The following IFT80 variants were observed in gnomAD, a reference collection of about 807,000 sequenced individuals.
IFT80 encodes the protein intraflagellar transport 80, also known as intraflagellar transport protein 80 homolog.
Under a neutral mutation model 107.9 loss-of-function variants are expected in IFT80, and 79 were observed. That is an observed-to-expected ratio of 0.73 (90% CI 0.61 to 0.88). IFT80 has a LOEUF of 0.88. Among genes scored for constraint, IFT80 ranks in the 40% least tolerant of loss-of-function variants. The probability of loss-of-function intolerance (pLI) is 0.00; values close to 1 mark genes in which losing one functional copy is unlikely to be tolerated. For synonymous variants in IFT80, 299 were observed against 300.9 expected, an observed-to-expected ratio of 0.99 and a Z score of 0.07; for missense variants, 797 against 914.2, an observed-to-expected ratio of 0.87 and a Z score of 1.65.
intron 8 of IFT80, among the ~76,000 whole-genome samples, chr3:160,327,769 T>C (rs1217354040): frequency 6.6e-6 from 1 of 152,094 alleles, no homozygotes; most frequent in Admixed American, 6.5e-5. Flanking sequence ...ACTCAGGACA[T>C]ACGCATAGGT....
At chr3:160,345,336 G>A (rs1576842333) in intron 8 of IFT80, among the ~76,000 whole-genome samples, 1 of 152,190 alleles carries the variant, frequency 6.6e-6, no homozygotes, top group South Asian at 2.1e-4. Flanking sequence ...GCCAGGTACA[G>A]AAAGACAAAT....
intron 11 of IFT80, among the ~76,000 whole-genome samples, chr3:160,302,512 C>A (rs1716509291): frequency 6.6e-6 from 1 of 151,956 alleles, no homozygotes; most frequent in Non-Finnish European, 1.5e-5. Flanking sequence ...TGAGTAAACA[C>A]CCTGTTTGAA....
chr3:160,320,812 A>G (rs1005351119), intron 8 of IFT80, among the ~76,000 whole-genome samples: 6 of 151,686 alleles, frequency 4.0e-5, no homozygotes, highest in African/African-American at 1.5e-4. Flanking sequence ...TTTTTTCCAG[A>G]AATACTCATT....
intron 3 of IFT80, among the ~76,000 whole-genome samples, chr3:160,379,010 T>C (rs1381078561): frequency 6.6e-6 from 1 of 152,170 alleles, no homozygotes; most frequent in Non-Finnish European, 1.5e-5. Context: ...TATCTTTTCA[T>C]AAATTATTAA....
intron 8 of IFT80, among the ~76,000 whole-genome samples, chr3:160,324,184 G>A (rs1172667993): frequency 1.3e-5 from 2 of 152,052 alleles, no homozygotes; most frequent in Non-Finnish European, 2.9e-5. Flanking sequence ...ATTCACAGCC[G>A]AATTCTACCA....
In IFT80 at chr3:160,344,535, A is replaced by C. The variant is rs559879900; in HGVS notation, c.777+11478T>G. ...AAATCTCCAGCGCTGGTCTGGGCAAAAATTTCTTGAGTAATACTCCACAAG... is the reference window on the plus strand; with the variant it reads ...AAATCTCCAGCGCTGGTCTGGGCAACAATTTCTTGAGTAATACTCCACAAG... On this transcript the variant is annotated intron_variant, in intron 8 of 19. Transcript: ENST00000326448. Among the ~76,000 whole-genome samples, 52 of 152,312 alleles carry C rather than the reference A, an allele frequency of 3.4e-4. 1 individual carries two copies. The South Asian group carries it at 0.011, about 31-fold the overall frequency.
At chr3:160,287,544 T>C (rs1423587908) in intron 12 of IFT80, among the ~76,000 whole-genome samples, 1 of 152,184 alleles carries the variant, frequency 6.6e-6, no homozygotes, top group Non-Finnish European at 1.5e-5. Flanking sequence ...GGGCAGGGGA[T>C]GAAGAACTTC....
At chr3:160,365,050 T>C (rs182479134) in intron 6 of IFT80, among the ~76,000 whole-genome samples, 115 of 151,372 alleles carry the variant, frequency 7.6e-4, no homozygotes, top group Admixed American at 7.2e-3. Context: ...AAACTAAAGG[T>C]ATAAACTAAA....
At chr3:160,308,238 G>T (rs910531415) in intron 9 of IFT80, among the ~76,000 whole-genome samples, 1 of 152,058 alleles carries the variant, frequency 6.6e-6, no homozygotes, top group Non-Finnish European at 1.5e-5. Context: ...TCAAAAGTGG[G>T]GTAGGAGGTA....
chr3:160,347,024 G>C (rs1268040626), intron 8 of IFT80, among the ~76,000 whole-genome samples: 4 of 152,038 alleles, frequency 2.6e-5, no homozygotes, highest in Admixed American at 2.6e-4. Context: ...TCAAAACAAA[G>C]ACAAAACTTT....
intron 8 of IFT80, among the ~76,000 whole-genome samples, chr3:160,330,923 C>G (rs1013669265): frequency 4.6e-5 from 7 of 152,100 alleles, no homozygotes; most frequent in African/African-American, 1.7e-4. Context: ...GTTCCAAGAC[C>G]CTCAGTGGAG....
At chr3:160,265,171 A>T (rs1713206226) in intron 19 of IFT80, among the ~76,000 whole-genome samples, 1 of 152,230 alleles carries the variant, frequency 6.6e-6, no homozygotes, top group Non-Finnish European at 1.5e-5. Flanking sequence ...TATCCCAAGC[A>T]CTAAGGAGAA....
At position 160,302,032 on chromosome 3, in the gene IFT80, A is replaced by C. The variant is rs142273003; in HGVS notation, c.1152-986T>G. Among the ~76,000 whole-genome samples the C allele has an allele frequency of 1.2e-4, 19 of 152,154 alleles. No individual in the cohort carries two copies. In the East Asian group the frequency reaches 2.1e-3, roughly 17 times the overall value. The stretch of plus-strand genomic sequence containing the variant: ...AAGACCATACATTTAAAATTTTTAA[A>C]TATATCTTGTTTTATTGCCCTTTGA... On this transcript the variant is annotated intron_variant, in intron 11 of 19. Transcript: ENST00000326448.
At chr3:160,322,709 CT>C (rs1418116256) in intron 8 of IFT80, among the ~76,000 whole-genome samples, 1 of 152,090 alleles carries the variant, frequency 6.6e-6, no homozygotes, top group East Asian at 1.9e-4. Flanking sequence ...TGTTTCCTGA[CT>C]TTTTAATGAT....
intron 9 of IFT80, among the ~76,000 whole-genome samples, chr3:160,319,392 A>G (rs1718042077): frequency 6.6e-6 from 1 of 152,064 alleles, no homozygotes; most frequent in Non-Finnish European, 1.5e-5. Context: ...TAAAACAATT[A>G]ACCCTGTCAG....
intron 12 of IFT80, among the ~76,000 whole-genome samples, chr3:160,288,971 G>A (rs1211380199): frequency 6.6e-6 from 1 of 152,086 alleles, no homozygotes; most frequent in Non-Finnish European, 1.5e-5. Context: ...ATACCCAAAG[G>A]AATATAAATC....
At chr3:160,392,634 T>C (rs746815395) in intron 1 of IFT80, among the ~76,000 whole-genome samples, 6 of 152,210 alleles carry the variant, frequency 3.9e-5, no homozygotes, top group Non-Finnish European at 8.8e-5. Context: ...ATCTTCAAAA[T>C]GTAAAATATT....
intron 5 of IFT80, among the ~76,000 whole-genome samples, chr3:160,367,590 G>A (rs1721953808): frequency 6.6e-6 from 1 of 151,998 alleles, no homozygotes; most frequent in Non-Finnish European, 1.5e-5. Flanking sequence ...TAGCCCAAAA[G>A]CTTGGCTAAA....
chr3:160,397,828 T>C (rs554940755), intron 1 of IFT80, among the ~76,000 whole-genome samples: 59 of 151,416 alleles, frequency 3.9e-4, no homozygotes, highest in African/African-American at 1.4e-3. Flanking sequence ...TTCAAGAGAT[T>C]CTCCTGTCTC....
Sources: allele counts gnomAD v4.1 joint callset (sites outside exome capture counted in the v4.1 genomes callset), GRCh38; gene constraint gnomAD v4.1.1; transcripts MANE v1.5; gene names NCBI Gene and HGNC (gene_info 2026-07-23, HGNC 2026-07-21).